FARP2: variants seen among roughly 807,000 people sequenced by gnomAD.
The protein encoded by FARP2 is FERM, ARHGEF and pleckstrin domain-containing protein 2.
FARP2 carries 111 observed loss-of-function variants against 130.5 expected under a neutral mutation model. The observed-to-expected ratio is 0.85, with a 90% CI of 0.73 to 1.00. FARP2 has a LOEUF of 1.00. FARP2 is among the 50% of genes least tolerant of loss of function. The pLI is 0.00. For synonymous variants in FARP2, 504 were observed against 516.9 expected (o/e 0.98, Z 0.34); for missense variants, 1,385 against 1,346.3 (o/e 1.03, Z -0.45).
chr2:241,380,928 G>T (rs577027640), intron 2 of FARP2, among the ~76,000 whole-genome samples: 6 of 152,216 alleles, frequency 3.9e-5, no homozygotes, highest in African/African-American at 1.4e-4. Context: ...GGGCCTCCAT[G>T]ACCAGTGTGC....
At chr2:241,401,124 C>T (rs1326043165) in intron 2 of FARP2, among the ~76,000 whole-genome samples, 1 of 152,162 alleles carries the variant, frequency 6.6e-6, no homozygotes, top group African/African-American at 2.4e-5. Context: ...TTTAAAGAGG[C>T]GTTCCTTGTA....
intron 2 of FARP2, among the ~76,000 whole-genome samples, chr2:241,380,085 TGAA>T (rs1173208988): frequency 5.3e-5 from 8 of 152,308 alleles, no homozygotes; most frequent in South Asian, 4.1e-4. Context: ...GGGCGACTGA[TGAA>T]GAAGTTAGGC....
At chr2:241,449,149 C>T (rs548112197) in intron 13 of FARP2, among the ~76,000 whole-genome samples, 1 of 152,206 alleles carries the variant, frequency 6.6e-6, no homozygotes, top group Non-Finnish European at 1.5e-5. Context: ...TCCACATTTT[C>T]CTTTTCTTCT....
intron 7 of FARP2, among the ~76,000 whole-genome samples, chr2:241,414,155 A>G (rs1169583612): frequency 6.6e-6 from 1 of 152,046 alleles, no homozygotes; most frequent in Non-Finnish European, 1.5e-5. Flanking sequence ...GGCATTGGGA[A>G]TCGCCTGGCA....
At chr2:241,466,389 G>A (rs151246850) in intron 17 of FARP2, 1,461 of 985,436 alleles carry the variant, frequency 1.5e-3, no homozygotes, top group Non-Finnish European at 1.7e-3. Context: ...ACCAGGTGCA[G>A]GTGGGTGCCA....
intron 4 of FARP2, among the ~76,000 whole-genome samples, chr2:241,406,157 G>C (rs114411936): frequency 6.6e-6 from 1 of 150,848 alleles, no homozygotes; most frequent in South Asian, 2.1e-4. Flanking sequence ...TAAATTAGCC[G>C]GGTGTAGGGG....
rs750720732 is a variant in FARP2, at chr2:241,463,897, A to C, written c.1812-2A>C. The C allele has an allele frequency of 6.2e-7, 1 of 1,613,086 alleles. No homozygotes were observed. The highest frequency in any genetic ancestry group is 1.3e-5 in the African/African-American group (1 of 74,882). On this transcript the variant is annotated splice_acceptor_variant, in intron 16 of 26. Coordinates refer to ENST00000264042, the MANE Select transcript of FARP2 (RefSeq NM_014808.4). LOFTEE classifies it high-confidence loss of function. ...AGGATGACTTTGTTTCTTTTTACTCAGGGAAGGGCCCTCCAAAGCCCACAC... is the reference window on the plus strand; with the variant it reads ...AGGATGACTTTGTTTCTTTTTACTCCGGGAAGGGCCCTCCAAAGCCCACAC...
At chr2:241,479,120 G>T in intron 19 of FARP2, 1 of 436,744 alleles carries the variant, frequency 2.3e-6, no homozygotes, top group South Asian at 4.1e-5. Context: ...ATCTGGGTGT[G>T]AATCCTTTTG....
chr2:241,406,381 A>G (rs1390659833), intron 4 of FARP2, among the ~76,000 whole-genome samples: 1 of 150,066 alleles, frequency 6.7e-6, no homozygotes, highest in African/African-American at 2.4e-5. Flanking sequence ...ATATATATAT[A>G]TGTATGTGTG....
At position 241,436,524 on chromosome 2, in the gene FARP2, G is replaced by A; in HGVS notation, c.1144G>A (p.Asp382Asn). The change falls in exon 12 of 27, where the codon GAC becomes AAC. Residue 382 changes from aspartate (D) to asparagine (N), a missense_variant. Physicochemically the swap from Asp to Asn is conservative, Grantham distance 23. Transcript: ENST00000264042. Reference sequence around the variant, plus strand: ...CACGTCCGTTCGAGCTCTGACTGCAGACCTACCAAAACAGGTTAGTCTCTT... The same window carrying A: ...CACGTCCGTTCGAGCTCTGACTGCAAACCTACCAAAACAGGTTAGTCTCTT... Reference protein sequence around the residue: ...THTSVRALTADLPKQSISFPE... With the variant: ...THTSVRALTANLPKQSISFPE... 1 of 1,614,200 alleles carries A rather than the reference G, an allele frequency of 6.2e-7. No individual in the cohort carries two copies. The highest frequency in any genetic ancestry group is 1.6e-4 in the Middle Eastern group (1 of 6,062).
chr2:241,432,131 A>G (rs927692721), intron 9 of FARP2: 2 of 154,220 alleles, frequency 1.3e-5, no homozygotes, highest in African/African-American at 2.4e-5. Context: ...GGCGTGAGCC[A>G]CCATGCCCAG....
At chr2:241,417,117 A>T (rs139411627) in intron 7 of FARP2, among the ~76,000 whole-genome samples, 62 of 152,074 alleles carry the variant, frequency 4.1e-4, no homozygotes, top group African/African-American at 1.3e-3. Context: ...CCCGGCCAAC[A>T]TGGCAAACCC....
At chr2:241,365,291 C>G (rs2061279259) in intron 1 of FARP2, among the ~76,000 whole-genome samples, 1 of 152,168 alleles carries the variant, frequency 6.6e-6, no homozygotes, top group South Asian at 2.1e-4. Context: ...TCCACTGATC[C>G]CCAACTCGTT....
chr2:241,434,040 A>C, intron 9 of FARP2, 118 bp from the exon 10 acceptor site: 1 of 832,342 alleles, frequency 1.2e-6, no homozygotes, highest in Admixed American at 2.6e-5. Flanking sequence ...GTCTCAAAAA[A>C]AAACCTTACT....
At chr2:241,461,444 G>A (rs899614249) in intron 14 of FARP2, among the ~76,000 whole-genome samples, 1 of 152,142 alleles carries the variant, frequency 6.6e-6, no homozygotes, top group Non-Finnish European at 1.5e-5. Context: ...CCCACCAATA[G>A]CCTGTCTATT....
At chr2:241,403,148 C>T (rs2062237888) in intron 2 of FARP2, among the ~76,000 whole-genome samples, 1 of 151,278 alleles carries the variant, frequency 6.6e-6, no homozygotes, top group South Asian at 2.1e-4. Flanking sequence ...TCCGATTGAC[C>T]AAATAATTAT....
chr2:241,453,478 C>G (rs1228843376), intron 13 of FARP2, among the ~76,000 whole-genome samples: 1 of 151,464 alleles, frequency 6.6e-6, no homozygotes, highest in Non-Finnish European at 1.5e-5. Context: ...AAAAATTAGC[C>G]AGGCATGGTG....
chr2:241,446,761 C>T (rs532112270), intron 13 of FARP2: 13 of 152,318 alleles, frequency 8.5e-5, no homozygotes, highest in East Asian at 3.9e-4. Flanking sequence ...TCCACAGAAT[C>T]GTATCTGCTG....
Position 241,373,191 on chromosome 2 carries a change from C to A in FARP2, c.84C>A (p.Thr28=). The change falls in exon 2 of 27, where the codon ACC becomes ACA. Residue 28 remains threonine (T), a synonymous_variant. Coordinates refer to ENST00000264042, the MANE Select transcript of FARP2 (RefSeq NM_014808.4). The part of the protein sequence containing the change: ...LGAQTPVGVS[T]LEPGQTLLPR... ...CCCAGACCCCTGTGGGAGTTAGCAC[C>A]CTTGAGCCTGGGCAGACTCTCTTGC... 2 of 1,582,068 alleles carry A rather than the reference C, an allele frequency of 1.3e-6. No homozygotes were observed. Among genetic ancestry groups the A allele is most frequent in the South Asian group, 1.1e-5 (1 of 87,720 alleles).
Sources: gnomAD v4.1 joint callset for allele counts (sites outside exome capture counted in the v4.1 genomes callset) on GRCh38, gnomAD v4.1.1 for gene constraint, MANE v1.5 for transcripts, NCBI Gene and HGNC (gene_info 2026-07-23, HGNC 2026-07-21) for gene names.